Variants in SNTG2 observed in about 807,000 individuals in gnomAD.
The protein encoded by SNTG2 is gamma-2-syntrophin.
A neutral mutation model predicts 70.9 loss-of-function variants in SNTG2; 74 were observed. The observed-to-expected ratio is 1.04, with a 90% CI of 0.86 to 1.27. SNTG2 has a LOEUF of 1.27. Among genes scored for constraint, SNTG2 ranks in the 50% most tolerant of loss-of-function variants. SNTG2 has a pLI of 0.00. For missense variants in SNTG2, 717 were observed against 690.7 expected, an observed-to-expected ratio of 1.04 and a Z score of -0.43; for synonymous variants, 278 against 273.8, an observed-to-expected ratio of 1.02 and a Z score of -0.15.
chr2:1,051,472 G>A (rs2148079519), intron 1 of SNTG2, among the ~76,000 whole-genome samples: 1 of 152,204 alleles, frequency 6.6e-6, no homozygotes, highest in African/African-American at 2.4e-5. Flanking sequence ...TTGCTCATAT[G>A]GTATGGTTGC....
intron 1 of SNTG2, among the ~76,000 whole-genome samples, chr2:977,932 G>C (rs2147963743): frequency 6.6e-6 from 1 of 152,272 alleles, no homozygotes; most frequent in East Asian, 1.9e-4. Context: ...GGCCTTCTTG[G>C]AAGACCTCAT....
intron 11 of SNTG2, among the ~76,000 whole-genome samples, chr2:1,240,285 T>C (rs764302348): frequency 6.6e-6 from 1 of 152,178 alleles, no homozygotes; most frequent in East Asian, 1.9e-4. Flanking sequence ...CCAGAGCCCT[T>C]AACGTTGTCC....
At chr2:1,181,826 G>T (rs1329991943) in intron 8 of SNTG2, among the ~76,000 whole-genome samples, 1 of 152,134 alleles carries the variant, frequency 6.6e-6, no homozygotes, top group African/African-American at 2.4e-5. Flanking sequence ...CCTGAGTATG[G>T]TTCACGTAGT....
intron 2 of SNTG2, among the ~76,000 whole-genome samples, chr2:1,096,073 T>G (rs1030060047): frequency 6.6e-6 from 1 of 152,158 alleles, no homozygotes; most frequent in Non-Finnish European, 1.5e-5. Context: ...GCCTGCAAAG[T>G]CAACCGTCCA....
At chr2:1,118,672 A>AT (rs1268162433) in intron 4 of SNTG2, among the ~76,000 whole-genome samples, 1 of 151,804 alleles carries the variant, frequency 6.6e-6, no homozygotes, top group Non-Finnish European at 1.5e-5. Context: ...AGAAAAAAAA[A>AT]ATCTGTGAAC....
At chr2:1,133,580 A>T (rs1572523547) in intron 4 of SNTG2, among the ~76,000 whole-genome samples, 1 of 152,222 alleles carries the variant, frequency 6.6e-6, no homozygotes, top group East Asian at 1.9e-4. Context: ...CTTTTCAGCT[A>T]AAATCAACAA....
chr2:1,203,673 A>AAATATAT (rs1451954919), intron 8 of SNTG2, among the ~76,000 whole-genome samples: 14 of 115,538 alleles, frequency 1.2e-4, no homozygotes, highest in African/African-American at 4.2e-4. Context: ...CAAAAAAAAA[A>AAATATAT]ATATATATAT....
At chr2:1,302,885 G>A (rs138055201) in intron 14 of SNTG2, among the ~76,000 whole-genome samples, 229 of 152,130 alleles carry the variant, frequency 1.5e-3, no homozygotes, top group African/African-American at 5.1e-3. Context: ...AAATTACTAG[G>A]TGCAGAGAGA....
chr2:972,691 T>G (rs1255535245), intron 1 of SNTG2, among the ~76,000 whole-genome samples: 1 of 152,134 alleles, frequency 6.6e-6, no homozygotes, highest in Non-Finnish European at 1.5e-5. Flanking sequence ...ACTGTCCTCC[T>G]GATAGTGAGT....
intron 7 of SNTG2, among the ~76,000 whole-genome samples, chr2:1,167,563 G>A (rs1416848920): frequency 7.8e-6 from 1 of 128,664 alleles, no homozygotes; most frequent in African/African-American, 3.0e-5. Flanking sequence ...CCTACAGGCC[G>A]CCCACAGACG....
intron 1 of SNTG2, among the ~76,000 whole-genome samples, chr2:1,015,377 T>TA (rs1194035787): frequency 2.0e-5 from 3 of 152,318 alleles, no homozygotes; most frequent in Admixed American, 6.5e-5. Context: ...ACATATATAT[T>TA]ATTTTTCAAA....
At chr2:1,116,168 T>A (rs1666952867) in intron 4 of SNTG2, among the ~76,000 whole-genome samples, 1 of 152,178 alleles carries the variant, frequency 6.6e-6, no homozygotes, top group Admixed American at 6.5e-5. Context: ...TGCTTGTGAG[T>A]TAAGGGAGCT....
At chr2:1,209,411 A>G (rs1673891103) in intron 9 of SNTG2, among the ~76,000 whole-genome samples, 181 bp downstream of exon 9, 1 of 152,252 alleles carries the variant, frequency 6.6e-6, no homozygotes, top group Non-Finnish European at 1.5e-5. Flanking sequence ...ATGAGAAGTC[A>G]GGTATCAGAA....
chr2:1,088,842 T>A (rs1272856548), intron 2 of SNTG2, among the ~76,000 whole-genome samples: 2 of 152,236 alleles, frequency 1.3e-5, no homozygotes, highest in Non-Finnish European at 2.9e-5. Flanking sequence ...GAAATTGATT[T>A]CTCTTGTGTT....
At chr2:955,103 A>C (rs1482681680) in intron 1 of SNTG2, among the ~76,000 whole-genome samples, 1 of 152,246 alleles carries the variant, frequency 6.6e-6, no homozygotes, top group African/African-American at 2.4e-5. Flanking sequence ...ACAGTCTGCT[A>C]ACTGCTAAAC....
intron 8 of SNTG2, among the ~76,000 whole-genome samples, chr2:1,176,053 G>C (rs2147892765): frequency 6.6e-6 from 1 of 152,300 alleles, no homozygotes; most frequent in South Asian, 2.1e-4. Context: ...TGGGTAGAGT[G>C]ACTAGCCTAA....
chr2:958,751 T>C (rs1487485745), intron 1 of SNTG2, among the ~76,000 whole-genome samples: 1 of 152,216 alleles, frequency 6.6e-6, no homozygotes, highest in Non-Finnish European at 1.5e-5. Flanking sequence ...TGTGTGGACT[T>C]CCAAATTATT....
intron 1 of SNTG2, among the ~76,000 whole-genome samples, chr2:1,049,214 A>G (rs566646517): frequency 6.6e-6 from 1 of 152,188 alleles, no homozygotes; most frequent in Admixed American, 6.5e-5. Context: ...GTGTTGTACA[A>G]TCTATGAGTC....
chr2:1,297,045 T>G (rs1680247753), intron 14 of SNTG2, among the ~76,000 whole-genome samples: 1 of 152,146 alleles, frequency 6.6e-6, no homozygotes, highest in African/African-American at 2.4e-5. Context: ...TGGGGATGTT[T>G]CAGGGGCATG....
Sources: gnomAD v4.1 joint callset for allele counts (sites outside exome capture counted in the v4.1 genomes callset) on GRCh38, gnomAD v4.1.1 for gene constraint, MANE v1.5 for transcripts, NCBI Gene and HGNC (gene_info 2026-07-23, HGNC 2026-07-21) for gene names.